ANK3: variants seen among roughly 807,000 people sequenced by gnomAD.
ANK3 encodes ankyrin 3, also known as ankyrin-3.
A neutral mutation model predicts 370.9 loss-of-function variants in ANK3; 57 were observed. That is an observed-to-expected ratio of 0.15 (90% CI 0.12 to 0.19). ANK3 has a LOEUF of 0.19. Ranked by LOEUF, ANK3 falls within the 10% of genes least tolerant of loss-of-function variation. The pLI is 1.00. For synonymous variants in ANK3, 1,929 were observed against 1,946.3 expected, an observed-to-expected ratio of 0.99 and a Z score of 0.23; for missense variants, 4,439 against 5,302.1, an observed-to-expected ratio of 0.84 and a Z score of 5.06.
At chr10:60,186,403 T>A (rs1362955957) in intron 17 of ANK3, among the ~76,000 whole-genome samples, 2 of 150,072 alleles carry the variant, frequency 1.3e-5, no homozygotes, top group Admixed American at 6.8e-5. Context: ...CAGGCTGGAG[T>A]ATAAAGAAGC....
intron 2 of ANK3, among the ~76,000 whole-genome samples, chr10:60,403,791 A>T (rs111652999): frequency 0.013 from 1,972 of 152,284 alleles, 51 homozygotes; most frequent in African/African-American, 0.045. Flanking sequence ...ACAAGATTGG[A>T]GAGGAAGAGT....
At chr10:60,370,067 T>C (rs755433044) in intron 1 of ANK3, among the ~76,000 whole-genome samples, 2 of 152,170 alleles carry the variant, frequency 1.3e-5, no homozygotes, top group East Asian at 3.8e-4. Context: ...CATTTTAATG[T>C]TCTTGCAAAA....
rs143937202 is a variant in ANK3 at position 60,687,856 on chromosome 10, A to G, written c.57+45407T>C. ...TAAATAAAGACAATGTGGTATATAT[A>G]TATAGAATGGAATACTATTCAGCCT... On this transcript the variant is annotated intron_variant, in intron 1 of 43. Transcript: ENST00000373827. Among the ~76,000 whole-genome samples, 438 of 152,352 alleles carry G rather than the reference A, an allele frequency of 2.9e-3. 2 individuals are homozygous for G. Among genetic ancestry groups the G allele is most frequent in the African/African-American group, 1.0e-2 (415 of 41,582 alleles).
chr10:60,252,291 C>G lies in ANK3; in HGVS notation c.798+9568G>C, dbSNP rs111719255. Among the ~76,000 whole-genome samples, 826 of 152,292 alleles carry G rather than the reference C, an allele frequency of 5.4e-3. 7 individuals carry two copies. The highest frequency in any genetic ancestry group is 0.019 in the African/African-American group (785 of 41,554). ...GCTCAAGGAGGGGACCAGGATTCAT[C>G]TGAGCAGATCCAAATGCACTGTCTG... On this transcript the variant is annotated intron_variant, in intron 7 of 43. Transcript: ENST00000280772.
chr10:60,554,992 T>C (rs1335523362), intron 2 of ANK3, among the ~76,000 whole-genome samples: 1 of 152,208 alleles, frequency 6.6e-6, no homozygotes, highest in Non-Finnish European at 1.5e-5. Context: ...TTTTCAGCTT[T>C]GTAATTCTTT....
At chr10:60,544,285 A>G (rs1318308113) in intron 2 of ANK3, among the ~76,000 whole-genome samples, 1 of 152,172 alleles carries the variant, frequency 6.6e-6, no homozygotes, top group African/African-American at 2.4e-5. Flanking sequence ...CTTTAACTCA[A>G]CAGACTATCT....
At position 60,055,761 on chromosome 10, in the gene ANK3, C is replaced by T; in HGVS notation, c.12962G>A (p.Cys4321Tyr). Reference sequence around the variant, plus strand: ...CATCTTTTTCATACTGACAGGCACACAGGGTTTAGTCTCTTCTATTATAAG... The same window carrying T: ...CATCTTTTTCATACTGACAGGCACATAGGGTTTAGTCTCTTCTATTATAAG... ...SKLIIEETKP[C>Y]VPVSMKKMSR... The change falls in exon 42 of 44, where the codon TGT (cysteine) becomes TAT (tyrosine). Residue 4321 changes from cysteine (C) to tyrosine (Y), a missense_variant. Physicochemically the swap from Cys to Tyr is radical, Grantham distance 194. Around this residue, in one of 13 missense-constraint regions of ANK3, gnomAD observed 242 missense variants for 228.0 expected, o/e 1.06. Coordinates refer to ENST00000280772, the MANE Select transcript of ANK3 (RefSeq NM_020987.5). The T allele has an allele frequency of 6.2e-7, 1 of 1,614,184 alleles. No homozygotes were observed. The highest frequency in any genetic ancestry group is 8.5e-7 in the Non-Finnish European group (1 of 1,180,028).
intron 2 of ANK3, among the ~76,000 whole-genome samples, chr10:60,465,749 A>G (rs993268823): frequency 6.6e-6 from 1 of 151,556 alleles, no homozygotes; most frequent in Non-Finnish European, 1.5e-5. Flanking sequence ...CAGTGTAAGA[A>G]TTCCTAATAG....
At chr10:60,279,218 C>G in intron 2 of ANK3, 70 bp from the exon 3 acceptor site, 1 of 1,317,530 alleles carries the variant, frequency 7.6e-7, no homozygotes, top group South Asian at 1.2e-5. Context: ...CGACCAAGAA[C>G]TCCTGAGATA....
intron 2 of ANK3, among the ~76,000 whole-genome samples, chr10:60,536,161 A>C (rs1469279921): frequency 6.6e-6 from 1 of 152,098 alleles, no homozygotes; most frequent in African/African-American, 2.4e-5. Flanking sequence ...GAATTCACAA[A>C]CTATTTCTCT....
chr10:60,072,179 G>A lies in ANK3; in HGVS notation c.8702C>T (p.Thr2901Ile), dbSNP rs1222350588. The part of the protein sequence containing the change: ...VDQKNEFMSV[T>I]ERERKLLTNG... ...TGTTAACAATTTGCGTTCTCTCTCA[G>A]TCACAGACATAAATTCATTCTTTTG... The change falls in exon 37 of 44, where the codon ACT (threonine) becomes ATT (isoleucine). Residue 2901 changes from threonine to isoleucine, a missense_variant. By Grantham distance (89) the Thr-to-Ile change is moderately conservative (BLOSUM62 -1). This residue lies in a region of ANK3 where 1,601 missense variants were observed against 1,731.7 expected (regional missense o/e 0.92). Transcript: ENST00000280772. 6.2e-7 allele frequency: 1 copy of A among 1,613,876 alleles called. No individual in the cohort carries two copies. Among genetic ancestry groups the A allele is most frequent in the Admixed American group, 1.7e-5 (1 of 59,972 alleles).
At chr10:60,047,124 GT>G in intron 42 of ANK3, among the ~76,000 whole-genome samples, 1 of 152,214 alleles carries the variant, frequency 6.6e-6, no homozygotes, top group East Asian at 1.9e-4. Context: ...GGTTTTTAAA[GT>G]TCTTGAAAAC....
intron 1 of ANK3, among the ~76,000 whole-genome samples, chr10:60,713,670 A>C (rs929081004): frequency 1.3e-5 from 2 of 152,124 alleles, no homozygotes; most frequent in Admixed American, 6.6e-5. Context: ...CGGGCAGATC[A>C]CCTGAGGTCA....
chr10:60,268,625 C>G (rs2097915908), intron 5 of ANK3, among the ~76,000 whole-genome samples: 1 of 151,686 alleles, frequency 6.6e-6, no homozygotes, highest in African/African-American at 2.4e-5. Flanking sequence ...GCAAACATAT[C>G]TATAATATAT....
intron 5 of ANK3, among the ~76,000 whole-genome samples, chr10:60,269,728 T>C (rs2097938738): frequency 7.2e-6 from 1 of 139,528 alleles, no homozygotes; most frequent in Admixed American, 8.1e-5. Flanking sequence ...ACAAATTCAA[T>C]CATTATAATT....
At chr10:60,630,385 T>C (rs1338683604) in intron 1 of ANK3, among the ~76,000 whole-genome samples, 1 of 152,230 alleles carries the variant, frequency 6.6e-6, no homozygotes, top group Non-Finnish European at 1.5e-5. Context: ...GTACCTACCA[T>C]GTTACCAATT....
chr10:60,668,390 G>A (rs1446155402), intron 1 of ANK3, among the ~76,000 whole-genome samples: 1 of 151,502 alleles, frequency 6.6e-6, no homozygotes, highest in Non-Finnish European at 1.5e-5. Context: ...ACTGATTATA[G>A]TACTTAAGGG....
chr10:60,150,979 C>A (rs1009074934), intron 23 of ANK3, among the ~76,000 whole-genome samples: 1 of 152,046 alleles, frequency 6.6e-6, no homozygotes, highest in East Asian at 1.9e-4. Flanking sequence ...ACTGTGTGAA[C>A]GTGAGCAAAT....
At chr10:60,056,705 A>G (rs930185721) in intron 41 of ANK3, among the ~76,000 whole-genome samples, 9 of 152,196 alleles carry the variant, frequency 5.9e-5, no homozygotes, top group Admixed American at 1.3e-4. Flanking sequence ...AAGAGATTTC[A>G]GAACGCTTCT....
Sources: allele counts gnomAD v4.1 joint callset (sites outside exome capture counted in the v4.1 genomes callset), GRCh38; gene constraint gnomAD v4.1.1; regional missense constraint gnomAD v4.1.1; transcripts MANE v1.5; gene names NCBI Gene and HGNC (gene_info 2026-07-23, HGNC 2026-07-21).